The following VPS35L variants were observed in gnomAD, a reference collection of about 807,000 sequenced individuals.
The protein encoded by VPS35L is VPS35 endosomal protein-sorting factor-like.
Under a neutral mutation model 133.0 loss-of-function variants are expected in VPS35L, and 83 were observed. The ratio of observed to expected loss-of-function variants is 0.62; its 90% CI spans 0.52 to 0.75. VPS35L has a LOEUF of 0.75. Ranked by LOEUF, VPS35L falls within the 30% of genes least tolerant of loss-of-function variation. The pLI is 0.00. For missense variants in VPS35L, 1,083 were observed against 1,206.8 expected, an observed-to-expected ratio of 0.90 and a Z score of 1.52; for synonymous variants, 423 against 449.9, an observed-to-expected ratio of 0.94 and a Z score of 0.76.
chr16:19,594,644 CA>C (rs57187565), intron 8 of VPS35L, among the ~76,000 whole-genome samples: 58 of 31,488 alleles, frequency 1.8e-3, no homozygotes, highest in South Asian at 4.3e-3. Context: ...GATTTCGTCT[CA>C]AAAAAAAAAA....
chr16:19,662,986 C>T (rs1348110388), intron 26 of VPS35L, among the ~76,000 whole-genome samples: 1 of 148,090 alleles, frequency 6.8e-6, no homozygotes, highest in Non-Finnish European at 1.5e-5. Flanking sequence ...AAGACTCTGC[C>T]TCAAAAAAAA....
chr16:19,618,084 C>CAAAAAAAAAA (rs60900526), intron 14 of VPS35L: 1 of 56,554 alleles, frequency 1.8e-5, no homozygotes, highest in African/African-American at 6.0e-5. Flanking sequence ...CAGACTGTCT[C>CAAAAAAAAAA]AAAAAAAAAA....
chr16:19,556,889 C>G (rs972473406), intron 1 of VPS35L, among the ~76,000 whole-genome samples: 1 of 150,966 alleles, frequency 6.6e-6, no homozygotes, highest in Non-Finnish European at 1.5e-5. Flanking sequence ...CTTTGGGAGG[C>G]CGAGGCTGGC....
At chr16:19,628,992 A>T (rs996690026) in intron 17 of VPS35L, among the ~76,000 whole-genome samples, 8 of 152,116 alleles carry the variant, frequency 5.3e-5, no homozygotes, top group Admixed American at 5.2e-4. Flanking sequence ...GGTTTTCACC[A>T]TGTTGGTCAG....
intron 9 of VPS35L, 58 bp downstream of exon 9, chr16:19,601,781 T>C (rs141479390): frequency 9.1e-6 from 14 of 1,540,560 alleles, no homozygotes; most frequent in African/African-American, 8.2e-5. Flanking sequence ...ACTAGAAGGC[T>C]TTTATTGAGT....
chr16:19,640,040 T>C lies in VPS35L; in HGVS notation c.1724T>C (p.Met575Thr), dbSNP rs753859631. The C allele has an allele frequency of 1.9e-6, 3 of 1,614,098 alleles. No homozygotes were observed. The highest frequency in any genetic ancestry group is 2.5e-6 in the Non-Finnish European group (3 of 1,180,032). The part of the protein sequence containing the change: ...SVEKFLPFLD[M>T]FQKESVRVEV... Reference sequence around the variant, plus strand: ...GAAAAATTTCTGCCGTTTCTGGACATGTTCCAAAAAGAGAGTGTGCGGGTG... The same window carrying C: ...GAAAAATTTCTGCCGTTTCTGGACACGTTCCAAAAAGAGAGTGTGCGGGTG... The change falls in exon 21 of 31, where the codon ATG becomes ACG. Residue 575 changes from methionine (M) to threonine (T), a missense_variant. By Grantham distance (81) the Met-to-Thr change is moderately conservative (BLOSUM62 -1). Transcript: ENST00000417362.
chr16:19,673,551 TTTATTCCTTGAACAGATTTA>T (rs55750990), intron 27 of VPS35L, among the ~76,000 whole-genome samples: 32,511 of 152,134 alleles, frequency 0.21, 4,116 homozygotes, highest in Non-Finnish European at 0.28. Flanking sequence ...ATTTGAGTTA[TTTATTCCTTGAACAGATTTA>T]TTATTCCTTG....
At chr16:19,672,691 A>C (rs1191041096) in intron 27 of VPS35L, among the ~76,000 whole-genome samples, 1 of 152,044 alleles carries the variant, frequency 6.6e-6, no homozygotes, top group Non-Finnish European at 1.5e-5. Flanking sequence ...GTGCACTGGC[A>C]TTTTCTAGAG....
intron 2 of VPS35L, 124 bp downstream of exon 2, chr16:19,565,074 TTC>T: frequency 1.5e-6 from 1 of 654,982 alleles, no homozygotes; most frequent in Non-Finnish European, 2.5e-6. Flanking sequence ...TTTTTTTTTT[TTC>T]AGAGTCTTGC....
At chr16:19,574,436 G>C (rs1309456475) in intron 4 of VPS35L, among the ~76,000 whole-genome samples, 4 of 152,206 alleles carry the variant, frequency 2.6e-5, no homozygotes, top group Non-Finnish European at 5.9e-5. Flanking sequence ...AAATGTAGCA[G>C]CGTGTCCATC....
At position 19,657,069 on chromosome 16, in the gene VPS35L, G is replaced by A. The variant is rs1020033818; in HGVS notation, c.2221+4979G>A. ...CAACCTCCGTCTCCCAAGTTCAAGT[G>A]ATTTTCCTGCTTCAGCCTCCCAAAT... On this transcript the variant is annotated intron_variant, in intron 26 of 30. Coordinates refer to ENST00000417362, the MANE Select transcript of VPS35L (RefSeq NM_020314.7). Among the ~76,000 whole-genome samples, 16 of 149,806 alleles carry A rather than the reference G, an allele frequency of 1.1e-4. No individual in the cohort carries two copies. In the Admixed American group the frequency reaches 1.1e-3, roughly 10 times the overall value.
chr16:19,614,958 A>G (rs1239840827), intron 12 of VPS35L, among the ~76,000 whole-genome samples: 1 of 152,190 alleles, frequency 6.6e-6, no homozygotes, highest in African/African-American at 2.4e-5. Flanking sequence ...GCATTGTTAC[A>G]CTTCATGCTC....
In VPS35L at chr16:19,570,873, ATATATATATATATATATT is replaced by A. The variant is rs1251320190; in HGVS notation, c.285+1284_285+1301del. The stretch of plus-strand genomic sequence containing the variant: ...TATATATATATATATATATATATAT[ATATATATATATATATATT>A]TTTGAGATGAAGTCTCACACTGTCA... On this transcript the variant is annotated intron_variant, in intron 3 of 30. Transcript: ENST00000417362. Among the ~76,000 whole-genome samples the A allele has an allele frequency of 2.5e-4, 14 of 56,870 alleles. 1 individual carries two copies. The highest frequency in any genetic ancestry group is 1.7e-3 in the African/African-American group (13 of 7,532). 37.3% of individuals were successfully genotyped at this position (56,870 alleles called of 152,430 possible).
rs952640627 is a variant in VPS35L, at chr16:19,679,684, T to C, written c.2362-2541T>C. 2.0e-5 allele frequency among the ~76,000 whole-genome samples: 3 copies of C among 151,954 alleles called. No homozygotes were observed. In the East Asian group the frequency reaches 5.8e-4, roughly 29 times the overall value. ...CACACCCGGCTAATTTTTGCATTTT[T>C]AGTAGAAACGGGGTTTCGCCATGTT... is the stretch of plus-strand genomic sequence containing the variant. On this transcript the variant is annotated intron_variant, in intron 27 of 30. Transcript: ENST00000417362.
chr16:19,666,508 G>A (rs1974667670), intron 26 of VPS35L, among the ~76,000 whole-genome samples: 1 of 152,158 alleles, frequency 6.6e-6, no homozygotes, highest in South Asian at 2.1e-4. Flanking sequence ...GTCTTCTGAG[G>A]ATAGAACTAA....
chr16:19,638,024 GAA>G (rs1973674193), intron 20 of VPS35L, among the ~76,000 whole-genome samples: 1 of 152,122 alleles, frequency 6.6e-6, no homozygotes, highest in African/African-American at 2.4e-5. Context: ...GCCTAATGTT[GAA>G]ACTATGAAAT....
intron 18 of VPS35L, among the ~76,000 whole-genome samples, chr16:19,630,624 G>A (rs932017812): frequency 1.1e-4 from 17 of 151,982 alleles, no homozygotes; most frequent in African/African-American, 4.1e-4. Flanking sequence ...GTGAGCCACC[G>A]CACCTGGCCA....
Position 19,608,079 on chromosome 16 carries a change from C to T in VPS35L, c.785-99C>T. 7.4e-6 allele frequency: 6 copies of T among 813,492 alleles called. 1 individual carries two copies. In the South Asian group the frequency reaches 7.4e-5, roughly 10 times the overall value. 50.4% of individuals were successfully genotyped at this position (813,492 alleles called of 1,614,324 possible). On this transcript the variant is annotated intron_variant, in intron 9 of 30. Coordinates refer to ENST00000417362, the MANE Select transcript of VPS35L (RefSeq NM_020314.7). Reference sequence around the variant, plus strand: ...TTGGAAGGAAAGAAACAGGCTGAGTCACCCCCTTTTCTGCTCCAGGGTAAT... The same window carrying T: ...TTGGAAGGAAAGAAACAGGCTGAGTTACCCCCTTTTCTGCTCCAGGGTAAT...
intron 15 of VPS35L, 32 bp from the exon 16 acceptor site, chr16:19,627,662 G>T (rs764301233): frequency 6.6e-7 from 1 of 1,518,222 alleles, no homozygotes; most frequent in Non-Finnish European, 9.1e-7. Flanking sequence ...TTGAGGAGAA[G>T]CCAGGCTGAC....
Sources: gnomAD v4.1 joint callset for allele counts (sites outside exome capture counted in the v4.1 genomes callset) on GRCh38, gnomAD v4.1.1 for gene constraint, MANE v1.5 for transcripts, NCBI Gene and HGNC (gene_info 2026-07-23, HGNC 2026-07-21) for gene names.